FGF14: variants seen among roughly 807,000 people sequenced by gnomAD.
FGF14 encodes the protein fibroblast growth factor homologous factor 4.
A neutral mutation model predicts 25.5 loss-of-function variants in FGF14; 5 were observed. The ratio of observed to expected loss-of-function variants is 0.20; its 90% CI spans 0.10 to 0.41. The LOEUF (loss-of-function observed/expected upper bound fraction) is 0.41, where lower values mean the gene tolerates loss of function less well. Among genes scored for constraint, FGF14 ranks in the 10% least tolerant of loss-of-function variants. The pLI is 1.00. For missense variants in FGF14, 222 were observed against 320.1 expected (o/e 0.69, Z 2.34); for synonymous variants, 138 against 118.3 (o/e 1.17, Z -1.08).
chr13:102,327,845 GAACA>G (rs2056506630), intron 1 of FGF14, among the ~76,000 whole-genome samples: 1 of 116,424 alleles, frequency 8.6e-6, no homozygotes, highest in Non-Finnish European at 1.9e-5. Flanking sequence ...CAAAAAAACA[GAACA>G]AAAAACAAAC....
chr13:101,938,111 C>T (rs1182865707), intron 1 of FGF14, among the ~76,000 whole-genome samples: 1 of 152,186 alleles, frequency 6.6e-6, no homozygotes, highest in Non-Finnish European at 1.5e-5. Context: ...TGGGGTTCTG[C>T]CAGCCACGTG....
intron 3 of FGF14, among the ~76,000 whole-genome samples, chr13:101,793,002 AT>A (rs2040324106): frequency 6.6e-6 from 1 of 152,020 alleles, no homozygotes; most frequent in Non-Finnish European, 1.5e-5. Context: ...AATATTTGAC[AT>A]TTTCTTGCAA....
chr13:101,724,597 A>AATATATATAGATATAT (rs2035249200), intron 4 of FGF14, among the ~76,000 whole-genome samples: 1 of 121,286 alleles, frequency 8.2e-6, no homozygotes, highest in East Asian at 2.2e-4. Flanking sequence ...ATAATAATAA[A>AATATATATAGATATAT]ATATATATAT....
intron 1 of FGF14, among the ~76,000 whole-genome samples, chr13:101,979,013 A>G (rs918788578): frequency 2.0e-5 from 3 of 152,322 alleles, no homozygotes; most frequent in South Asian, 2.1e-4. Context: ...TCAGACAAGA[A>G]AGCTTGTCAC....
At chr13:102,256,344 A>G (rs1195904011) in intron 1 of FGF14, among the ~76,000 whole-genome samples, 1 of 152,030 alleles carries the variant, frequency 6.6e-6, no homozygotes, top group African/African-American at 2.4e-5. Context: ...AAAAATTAAA[A>G]AAAAATTAGC....
intron 3 of FGF14, among the ~76,000 whole-genome samples, chr13:101,821,423 T>C (rs2042151345): frequency 6.6e-6 from 1 of 152,230 alleles, no homozygotes; most frequent in South Asian, 2.1e-4. Context: ...TATGTTGTAA[T>C]TTATTTATCC....
At chr13:101,935,659 A>G (rs1360078965) in intron 1 of FGF14, among the ~76,000 whole-genome samples, 1 of 152,164 alleles carries the variant, frequency 6.6e-6, no homozygotes, top group East Asian at 1.9e-4. Context: ...GCCATGCGGA[A>G]CCATGAGTCA....
intron 1 of FGF14, among the ~76,000 whole-genome samples, chr13:102,078,759 G>A (rs2043484000): frequency 6.6e-6 from 1 of 152,212 alleles, no homozygotes; most frequent in Non-Finnish European, 1.5e-5. Context: ...AACTCTCGAC[G>A]TGTATTAAGA....
intron 1 of FGF14, among the ~76,000 whole-genome samples, chr13:102,372,020 G>A (rs1354587578): frequency 1.3e-5 from 2 of 152,234 alleles, no homozygotes; most frequent in Non-Finnish European, 2.9e-5. Flanking sequence ...TAAGTAGGAA[G>A]ATGTTCTTCT....
intron 3 of FGF14, among the ~76,000 whole-genome samples, chr13:101,808,350 CT>C (rs2041316447): frequency 1.3e-5 from 2 of 151,898 alleles, no homozygotes; most frequent in Admixed American, 1.3e-4. Flanking sequence ...TTCTGTGCTT[CT>C]TTACCTATAC....
intron 1 of FGF14, among the ~76,000 whole-genome samples, chr13:102,120,640 C>T (rs1314742330): frequency 6.6e-6 from 1 of 152,092 alleles, no homozygotes; most frequent in Non-Finnish European, 1.5e-5. Context: ...GGTCCACAAC[C>T]TGTAAGAGAT....
intron 1 of FGF14, among the ~76,000 whole-genome samples, chr13:102,396,306 T>C (rs1309398950): frequency 1.3e-5 from 2 of 152,196 alleles, no homozygotes; most frequent in Non-Finnish European, 2.9e-5. Context: ...TGTTTAACAC[T>C]GAAGAGAAGA....
At chr13:102,012,473 C>G (rs1253575622) in intron 1 of FGF14, among the ~76,000 whole-genome samples, 1 of 152,108 alleles carries the variant, frequency 6.6e-6, no homozygotes, top group Non-Finnish European at 1.5e-5. Flanking sequence ...GGTTCATACA[C>G]ATGCTCCTGC....
intron 1 of FGF14, among the ~76,000 whole-genome samples, chr13:102,163,971 T>G (rs564318036): frequency 6.6e-6 from 1 of 152,128 alleles, no homozygotes; most frequent in Non-Finnish European, 1.5e-5. Flanking sequence ...CCGTTGTAGA[T>G]TATCACGTTT....
chr13:102,095,047 A>G (rs1351308908), intron 1 of FGF14, among the ~76,000 whole-genome samples: 1 of 152,168 alleles, frequency 6.6e-6, no homozygotes, highest in Non-Finnish European at 1.5e-5. Context: ...GAAGGATCAT[A>G]CCATTGGAGA....
rs543428481 is a variant in FGF14 at position 102,360,568 on chromosome 13, C to A, written c.208+40903G>T. The stretch of plus-strand genomic sequence containing the variant: ...ACTAGCTACTTGGTAAAATGATTAC[C>A]CTTAAGAGATAGTACAAGATGAAAA... On this transcript the variant is annotated intron_variant, in intron 1 of 4. Coordinates refer to the FGF14 transcript ENST00000376131. Among the ~76,000 whole-genome samples the A allele has an allele frequency of 1.5e-4, 23 of 151,916 alleles. No homozygotes were observed. The South Asian group carries it at 4.8e-3, about 32-fold the overall frequency.
chr13:101,959,937 A>G (rs766900611), intron 1 of FGF14, among the ~76,000 whole-genome samples: 22 of 152,216 alleles, frequency 1.4e-4, no homozygotes, highest in Non-Finnish European at 1.9e-4. Flanking sequence ...CTGCTCAGTT[A>G]AAGTTGAAAA....
intron 3 of FGF14, among the ~76,000 whole-genome samples, chr13:101,816,781 ATTTT>A (rs1252882259): frequency 6.6e-6 from 1 of 152,172 alleles, no homozygotes; most frequent in Non-Finnish European, 1.5e-5. Context: ...CATAATATTT[ATTTT>A]TATCAGAAAA....
intron 3 of FGF14, among the ~76,000 whole-genome samples, chr13:101,866,634 T>C (rs1199912297): frequency 2.0e-5 from 3 of 152,202 alleles, no homozygotes; most frequent in African/African-American, 2.4e-5. Context: ...TATTGTGCTC[T>C]ATATTACTAT....
Sources: allele counts gnomAD v4.1 joint callset (sites outside exome capture counted in the v4.1 genomes callset), GRCh38; gene constraint gnomAD v4.1.1; transcripts MANE v1.5; gene names NCBI Gene and HGNC (gene_info 2026-07-23, HGNC 2026-07-21).